The following ASAH1 variants were observed in gnomAD, a reference collection of about 807,000 sequenced individuals.
The protein encoded by ASAH1 is acid ceramidase.
A neutral mutation model predicts 59.5 loss-of-function variants in ASAH1; 70 were observed. That is an observed-to-expected ratio of 1.18 (90% CI 0.97 to 1.43). The LOEUF is 1.43. ASAH1 is among the 40% of genes most tolerant of loss of function. The pLI, the probability that ASAH1 is intolerant of heterozygous loss-of-function variation, is 0.00. For synonymous variants in ASAH1, 213 were observed against 166.5 expected (o/e 1.28, Z -2.15); for missense variants, 660 against 482.5 (o/e 1.37, Z -3.45).
In ASAH1 at chr8:18,057,623, G is replaced by A; in HGVS notation, c.1099C>T (p.Leu367=). ...TCTATCAAGGTTGTGTATACGGTCA[G>A]CTGAAAGAAAAGTTATTTTTACTTT... The part of the protein sequence containing the change: ...VLSTKPVLNK[L]TVYTTLIDVT... Residue 367 remains leucine (L), a splice_region_variant and synonymous_variant, in exon 14 of 14, where the codon CTG becomes TTG. Coordinates refer to ENST00000637790, the MANE Select transcript of ASAH1 (RefSeq NM_177924.5). The A allele has an allele frequency of 1.3e-6, 2 of 1,596,830 alleles. No homozygotes were observed. The highest frequency in any genetic ancestry group is 1.7e-6 in the Non-Finnish European group (2 of 1,168,780).
chr8:18,059,324 T>C lies in ASAH1; in HGVS notation c.1041+17A>G. ...AATGGCAACAGTTTCTTTCTATAGA[T>C]GACCCTGCAAAGGTACCTCTTGGCT... On this transcript the variant is annotated intron_variant, in intron 12 of 13. Transcript: ENST00000637790. 6.2e-7 allele frequency: 1 copy of C among 1,614,194 alleles called. No individual in the cohort carries two copies. Among genetic ancestry groups the C allele is most frequent in the South Asian group, 1.1e-5 (1 of 91,092 alleles).
chr8:18,074,533 C>T (rs1391468804), intron 2 of ASAH1, among the ~76,000 whole-genome samples: 1 of 152,206 alleles, frequency 6.6e-6, no homozygotes, highest in African/African-American at 2.4e-5. Context: ...TAGAGTTGTA[C>T]TGTTTCCCCC....
At position 18,081,194 on chromosome 8, in the gene ASAH1, A is replaced by G. The variant is rs144691192; in HGVS notation, c.78+2787T>C. On this transcript the variant is annotated intron_variant, in intron 1 of 13. Coordinates refer to ENST00000637790, the MANE Select transcript of ASAH1 (RefSeq NM_177924.5). ...ATTCGCCCAGCGAAGCACTTCAGCA[A>G]TGTGCAGGTCACGCTGACACCTCAC... Among the ~76,000 whole-genome samples the G allele has an allele frequency of 3.2e-3, 491 of 152,238 alleles. 5 individuals carry two copies. Among genetic ancestry groups the G allele is most frequent in the African/African-American group, 0.011 (476 of 41,546 alleles).
intron 2 of ASAH1, 48 bp downstream of exon 2, chr8:18,075,493 A>C: frequency 1.2e-5 from 19 of 1,590,892 alleles, no homozygotes; most frequent in Non-Finnish European, 1.6e-5. Flanking sequence ...ATACAGAAAA[A>C]ACTTCACAAA....
chr8:18,078,711 A>G (rs60806189), intron 1 of ASAH1, among the ~76,000 whole-genome samples: 1 of 152,196 alleles, frequency 6.6e-6, no homozygotes, highest in Non-Finnish European at 1.5e-5. Flanking sequence ...TTAATAACAG[A>G]CAACTCTATT....
intron 5 of ASAH1, chr8:18,065,467 G>T (rs540170619): frequency 6.6e-6 from 1 of 152,082 alleles, no homozygotes; most frequent in African/African-American, 2.4e-5. Context: ...TAAAATGAAG[G>T]TACTGTTGGC....
At chr8:18,058,919 A>G in intron 12 of ASAH1, 28 bp from the exon 13 acceptor site, 1 of 1,591,306 alleles carries the variant, frequency 6.3e-7, no homozygotes, top group Non-Finnish European at 8.6e-7. Context: ...AGTTTTGTTC[A>G]GTAAGTTAAA....
Position 18,067,266 on chromosome 8 carries a change from A to G in ASAH1, c.336T>C (p.Phe112=). 1 of 1,607,554 alleles carries G rather than the reference A, an allele frequency of 6.2e-7. No homozygotes were observed. Among genetic ancestry groups the G allele is most frequent in the South Asian group, 1.1e-5 (1 of 89,492 alleles). The change falls in exon 5 of 14, where the codon TTT becomes TTC. Residue 112 remains phenylalanine, a synonymous_variant. Coordinates refer to ENST00000637790, the MANE Select transcript of ASAH1 (RefSeq NM_177924.5). ...PGLLGNFPGP[F]EEEMKGIAAV... Reference sequence around the variant, plus strand: ...CGGCAATACCCTTCATTTCCTCTTCAAAAGGGCCAGGAAAGTTGCCAAGTA... The same window carrying G: ...CGGCAATACCCTTCATTTCCTCTTCGAAAGGGCCAGGAAAGTTGCCAAGTA...
intron 1 of ASAH1, among the ~76,000 whole-genome samples, chr8:18,082,090 T>C (rs1479054817): frequency 2.6e-5 from 4 of 152,214 alleles, no homozygotes; most frequent in Non-Finnish European, 5.9e-5. Flanking sequence ...CATTCTAAAT[T>C]AATAATTTTA....
At chr8:18,074,185 G>GAGA (rs1051750678) in intron 2 of ASAH1, among the ~76,000 whole-genome samples, 13 of 152,280 alleles carry the variant, frequency 8.5e-5, no homozygotes, top group African/African-American at 3.1e-4. Flanking sequence ...GACCAACAGA[G>GAGA]AGACATAATC....
chr8:18,066,917 C>G (rs1050646718), intron 5 of ASAH1: 1 of 358,732 alleles, frequency 2.8e-6, no homozygotes, highest in African/African-American at 2.1e-5. Context: ...ACAAAGTTCA[C>G]GAAGAGGCAA....
At chr8:18,073,312 G>A (rs1345391068) in intron 2 of ASAH1, 1 of 1,553,076 alleles carries the variant, frequency 6.4e-7, no homozygotes, top group South Asian at 1.2e-5. Flanking sequence ...AAAACACTTA[G>A]CAGCATTGGT....
upstream of ASAH1, chr8:18,084,273 G>A (rs1026162085): frequency 4.9e-6 from 7 of 1,442,814 alleles, no homozygotes; most frequent in African/African-American, 5.7e-5. Context: ...AAGAGAGAGA[G>A]CCTTCCAGGC....
intron 2 of ASAH1, among the ~76,000 whole-genome samples, chr8:18,073,454 C>G (rs948528710): frequency 2.0e-5 from 3 of 152,178 alleles, no homozygotes; most frequent in Non-Finnish European, 2.9e-5. Context: ...TCACCTGAAC[C>G]CACATGGCTA....
At chr8:18,061,271 G>T in intron 10 of ASAH1, 106 bp downstream of exon 10, 1 of 994,834 alleles carries the variant, frequency 1.0e-6, no homozygotes, top group Non-Finnish European at 1.5e-6. Flanking sequence ...AAGAAATTCT[G>T]CAATAGTTCC....
chr8:18,074,568 G>A (rs995906195), intron 2 of ASAH1, among the ~76,000 whole-genome samples: 1 of 152,136 alleles, frequency 6.6e-6, no homozygotes, highest in African/African-American at 2.4e-5. Flanking sequence ...TACTTTCAGC[G>A]AAAGGGCAGT....
In ASAH1 at chr8:18,061,464, A is replaced by G. The variant is rs1799696399; in HGVS notation, c.704-6T>C. On this transcript the variant is annotated splice_region_variant and splice_polypyrimidine_tract_variant and intron_variant, in intron 9 of 13. Coordinates refer to ENST00000637790, the MANE Select transcript of ASAH1 (RefSeq NM_177924.5). ...CAGAATCCATTCTAGAATACCTGGA[A>G]GAGATGAACACAATGTCAGGAACCG... The G allele has an allele frequency of 1.9e-6, 3 of 1,607,212 alleles. No homozygotes were observed. The highest frequency in any genetic ancestry group is 2.6e-6 in the Non-Finnish European group (3 of 1,173,518).
chr8:18,064,736 C>G, intron 5 of ASAH1: 1 of 545,002 alleles, frequency 1.8e-6, no homozygotes, highest in Non-Finnish European at 3.3e-6. Context: ...AAGGAGGCAG[C>G]CTTCGGGCGA....
At chr8:18,084,197 C>A, upstream of ASAH1, 4 of 1,523,702 alleles carry the variant, frequency 2.6e-6, no homozygotes, top group South Asian at 3.6e-5. Context: ...GGGGAACGCT[C>A]GGAGGAGGCG....
Sources: allele counts gnomAD v4.1 joint callset (sites outside exome capture counted in the v4.1 genomes callset), GRCh38; gene constraint gnomAD v4.1.1; transcripts MANE v1.5; gene names NCBI Gene and HGNC (gene_info 2026-07-23, HGNC 2026-07-21).